The following CACNA2D1 variants were observed in gnomAD, a reference collection of about 807,000 sequenced individuals.
CACNA2D1 encodes the protein calcium voltage-gated channel auxiliary subunit alpha2delta 1, also known as voltage-dependent calcium channel subunit alpha-2/delta-1.
Under a neutral mutation model 171.5 loss-of-function variants are expected in CACNA2D1, and 53 were observed. The observed-to-expected ratio is 0.31, with a 90% CI of 0.25 to 0.39. The LOEUF is 0.39. Among genes scored for constraint, CACNA2D1 ranks in the 10% least tolerant of loss-of-function variants. CACNA2D1 has a pLI of 1.00. For synonymous variants in CACNA2D1, 442 were observed against 443.1 expected, an observed-to-expected ratio of 1.00 and a Z score of 0.03; for missense variants, 903 against 1,299.8, an observed-to-expected ratio of 0.69 and a Z score of 4.69.
chr7:82,200,657 C>G (rs372084569), intron 3 of CACNA2D1, among the ~76,000 whole-genome samples: 1 of 152,058 alleles, frequency 6.6e-6, no homozygotes, highest in Non-Finnish European at 1.5e-5. Context: ...ATATTTTACT[C>G]TTTTTGTCAA....
chr7:82,046,024 G>C (rs1338709424), intron 10 of CACNA2D1, among the ~76,000 whole-genome samples: 1 of 152,138 alleles, frequency 6.6e-6, no homozygotes, highest in Non-Finnish European at 1.5e-5. Context: ...TCCTACTGCA[G>C]TAACTTTAGA....
At chr7:82,341,074 T>A (rs1818573397) in intron 2 of CACNA2D1, among the ~76,000 whole-genome samples, 1 of 151,392 alleles carries the variant, frequency 6.6e-6, no homozygotes, top group African/African-American at 2.4e-5. Context: ...GGGTTATACA[T>A]TTTTTTTTCC....
intron 5 of CACNA2D1, among the ~76,000 whole-genome samples, chr7:82,119,219 A>G (rs1169117081): frequency 1.3e-5 from 2 of 152,288 alleles, no homozygotes; most frequent in East Asian, 1.9e-4. Flanking sequence ...TTCAAAATAT[A>G]TCTTCTGAAG....
intron 3 of CACNA2D1, among the ~76,000 whole-genome samples, chr7:82,179,461 T>C (rs1384457542): frequency 2.0e-5 from 3 of 152,258 alleles, no homozygotes; most frequent in African/African-American, 4.8e-5. Context: ...ACTCAGAGAA[T>C]GCAAATATCT....
intron 3 of CACNA2D1, among the ~76,000 whole-genome samples, chr7:82,193,211 T>G (rs886371921): frequency 4.6e-5 from 7 of 151,952 alleles, no homozygotes; most frequent in African/African-American, 1.7e-4. Flanking sequence ...GATAAATAAT[T>G]AAATACTATT....
intron 3 of CACNA2D1, among the ~76,000 whole-genome samples, chr7:82,273,631 G>T (rs1053996479): frequency 6.6e-6 from 1 of 152,072 alleles, no homozygotes; most frequent in Non-Finnish European, 1.5e-5. Context: ...TTGACCACAG[G>T]AGCACCCTAC....
At chr7:82,140,954 T>TAAAAAAG (rs1792301500) in intron 4 of CACNA2D1, among the ~76,000 whole-genome samples, 1 of 91,816 alleles carries the variant, frequency 1.1e-5, no homozygotes, top group Non-Finnish European at 2.1e-5. Context: ...GACTCGTCTC[T>TAAAAAAG]AAAAAAAAAA....
intron 21 of CACNA2D1, among the ~76,000 whole-genome samples, chr7:81,985,567 G>C (rs1796882643): frequency 6.6e-6 from 1 of 152,016 alleles, no homozygotes; most frequent in Non-Finnish European, 1.5e-5. Flanking sequence ...TCTAATCCTT[G>C]GGCAAGTTCT....
intron 3 of CACNA2D1, among the ~76,000 whole-genome samples, chr7:82,265,146 G>A (rs1807658284): frequency 6.6e-6 from 1 of 152,156 alleles, no homozygotes; most frequent in African/African-American, 2.4e-5. Context: ...CAGAAAGCTG[G>A]CCAAGGTAGA....
chr7:81,961,102 C>G lies in CACNA2D1; in HGVS notation c.2966+792G>C, dbSNP rs574209583. Among the ~76,000 whole-genome samples, 58 of 151,950 alleles carry G rather than the reference C, an allele frequency of 3.8e-4. No individual in the cohort carries two copies. In the Middle Eastern group the frequency reaches 0.021, roughly 54 times the overall value. ...ACCTCACCTCCTCCTATTTCTTCTT[C>G]CGCTATGGTAACATTTCTTCTAGAA... On this transcript the variant is annotated intron_variant, in intron 36 of 38. Transcript: ENST00000356860.
intron 4 of CACNA2D1, among the ~76,000 whole-genome samples, chr7:82,163,013 A>G (rs1245602186): frequency 6.6e-6 from 1 of 152,046 alleles, no homozygotes; most frequent in Non-Finnish European, 1.5e-5. Context: ...TCTTTCCCAC[A>G]GTAATATTAA....
chr7:82,003,959 G>T (rs986282305), intron 18 of CACNA2D1, among the ~76,000 whole-genome samples: 12 of 152,020 alleles, frequency 7.9e-5, no homozygotes, highest in African/African-American at 2.9e-4. Context: ...TGGCCAGGCT[G>T]GTCTCCAACT....
At chr7:82,396,249 T>G (rs1424586286) in intron 1 of CACNA2D1, among the ~76,000 whole-genome samples, 1 of 152,094 alleles carries the variant, frequency 6.6e-6, no homozygotes, top group Non-Finnish European at 1.5e-5. Context: ...TTTGGGAGGC[T>G]GAGGCAGGAG....
intron 7 of CACNA2D1, among the ~76,000 whole-genome samples, chr7:82,076,447 G>A (rs952362182): frequency 6.6e-6 from 1 of 152,018 alleles, no homozygotes; most frequent in African/African-American, 2.4e-5. Context: ...TTGGTAAACA[G>A]CTTTGATATT....
chr7:81,959,495 A>G, intron 37 of CACNA2D1, 138 bp from the exon 38 acceptor site: 1 of 777,048 alleles, frequency 1.3e-6, no homozygotes, highest in Non-Finnish European at 2.2e-6. Flanking sequence ...ATTCAAGTAC[A>G]TAGGGATTTA....
intron 3 of CACNA2D1, among the ~76,000 whole-genome samples, chr7:82,255,039 G>A (rs945488955): frequency 6.6e-6 from 1 of 152,134 alleles, no homozygotes; most frequent in African/African-American, 2.4e-5. Flanking sequence ...CAAGGTTCTA[G>A]TCAGTCTGAT....
At chr7:82,253,909 C>T (rs1372078702) in intron 3 of CACNA2D1, among the ~76,000 whole-genome samples, 1 of 152,094 alleles carries the variant, frequency 6.6e-6, no homozygotes, top group Non-Finnish European at 1.5e-5. Context: ...TTCTTGACAA[C>T]ACTGTTTGAT....
intron 4 of CACNA2D1, among the ~76,000 whole-genome samples, chr7:82,167,865 C>T (rs898755043): frequency 4.6e-5 from 7 of 152,046 alleles, no homozygotes; most frequent in African/African-American, 9.7e-5. Flanking sequence ...CAAGAATTCT[C>T]CCACATGGTG....
At chr7:81,961,547 G>C (rs1243376601) in intron 36 of CACNA2D1, among the ~76,000 whole-genome samples, 2 of 150,828 alleles carry the variant, frequency 1.3e-5, no homozygotes, top group East Asian at 3.9e-4. Flanking sequence ...CTTTATATTA[G>C]AAATTTTTAA....
Sources: allele counts gnomAD v4.1 joint callset (sites outside exome capture counted in the v4.1 genomes callset), GRCh38; gene constraint gnomAD v4.1.1; transcripts MANE v1.5; gene names NCBI Gene and HGNC (gene_info 2026-07-23, HGNC 2026-07-21).